The following LRRIQ1 variants were observed in gnomAD, a reference collection of about 807,000 sequenced individuals.
LRRIQ1 encodes leucine-rich repeat- and IQ domain-containing protein 1.
In LRRIQ1, 210 loss-of-function variants were observed where a neutral mutation model predicts 211.9. That is an observed-to-expected ratio of 0.99 (90% CI 0.89 to 1.11). The LOEUF (loss-of-function observed/expected upper bound fraction) is 1.11, where lower values mean the gene tolerates loss of function less well. Ranked by LOEUF, LRRIQ1 falls within the 50% of genes most tolerant of loss-of-function variation. The pLI is 0.00. For synonymous variants in LRRIQ1, 699 were observed against 650.1 expected, an observed-to-expected ratio of 1.08 and a Z score of -1.14; for missense variants, 2,136 against 1,939.5, an observed-to-expected ratio of 1.10 and a Z score of -1.90.
chr12:85,200,742 A>G (rs1893247116), intron 24 of LRRIQ1, among the ~76,000 whole-genome samples: 1 of 152,158 alleles, frequency 6.6e-6, no homozygotes, highest in African/African-American at 2.4e-5. Flanking sequence ...GATGAATCAC[A>G]TTTATTGATT....
chr12:85,120,652 A>T (rs1414441838), intron 15 of LRRIQ1, among the ~76,000 whole-genome samples: 1 of 152,196 alleles, frequency 6.6e-6, no homozygotes, highest in Non-Finnish European at 1.5e-5. Context: ...GAGTCTTCCT[A>T]TCCATGAACC....
chr12:85,038,848 T>C (rs2135858359), intron 2 of LRRIQ1, among the ~76,000 whole-genome samples: 1 of 151,598 alleles, frequency 6.6e-6, no homozygotes, highest in Non-Finnish European at 1.5e-5. Context: ...GTCTTACTGA[T>C]AGTTATTGTA....
At chr12:85,198,016 T>A (rs1282726558) in intron 24 of LRRIQ1, among the ~76,000 whole-genome samples, 2,964 of 61,336 alleles carry the variant, frequency 0.048, 62 homozygotes, top group Non-Finnish European at 0.074. Flanking sequence ...TATAATATAT[T>A]ATATTATTAT....
At chr12:85,085,212 G>T (rs541887366) in intron 11 of LRRIQ1, among the ~76,000 whole-genome samples, 1 of 152,212 alleles carries the variant, frequency 6.6e-6, no homozygotes, top group South Asian at 2.1e-4. Flanking sequence ...AAGGGAAGAG[G>T]TTTAATTGAT....
chr12:85,081,723 C>CTTTTTTTTTTTTTTTTTTTTTT (rs766961193), intron 11 of LRRIQ1, among the ~76,000 whole-genome samples: 4 of 113,418 alleles, frequency 3.5e-5, no homozygotes, highest in Non-Finnish European at 5.2e-5. Context: ...TCTTCTTCTT[C>CTTTTTTTTTTTTTTTTTTTTTT]TTTTTTTTTT....
intron 25 of LRRIQ1, among the ~76,000 whole-genome samples, chr12:85,230,979 C>T (rs908707355): frequency 9.2e-5 from 14 of 151,596 alleles, no homozygotes; most frequent in African/African-American, 3.1e-4. Flanking sequence ...ACCCGGGAGG[C>T]GGAGCTTGCA....
chr12:85,140,803 T>C (rs1406056145), intron 19 of LRRIQ1, among the ~76,000 whole-genome samples: 2 of 151,278 alleles, frequency 1.3e-5, no homozygotes, highest in African/African-American at 2.4e-5. Flanking sequence ...CTGCTGCTGC[T>C]ACTGATAATG....
chr12:85,040,932 T>G (rs1361141486), intron 3 of LRRIQ1, among the ~76,000 whole-genome samples: 2 of 151,618 alleles, frequency 1.3e-5, no homozygotes, highest in Non-Finnish European at 3.0e-5. Context: ...CATCTTTTTT[T>G]GGGAAAAATA....
chr12:85,192,421 T>G, intron 24 of LRRIQ1, among the ~76,000 whole-genome samples: 1 of 131,952 alleles, frequency 7.6e-6, no homozygotes, highest in East Asian at 2.1e-4. Context: ...ATTATATACA[T>G]TTATATATAT....
At position 85,127,793 on chromosome 12, in the gene LRRIQ1, A is replaced by G. The variant is rs371520506; in HGVS notation, c.4008-39A>G. ...TATCTACAACTCTGTATTTACAGAT[A>G]ATAAAAAAAGTGTGTGTTTTTTTTT... is the stretch of plus-strand genomic sequence containing the variant. On this transcript the variant is annotated intron_variant, in intron 17 of 26. Transcript: ENST00000393217. 9.7e-6 allele frequency: 15 copies of G among 1,553,918 alleles called. No individual in the cohort carries two copies. In the African/African-American group the frequency reaches 1.4e-4, roughly 14 times the overall value.
chr12:85,203,994 G>A (rs1019712478), intron 24 of LRRIQ1, among the ~76,000 whole-genome samples: 3 of 152,128 alleles, frequency 2.0e-5, no homozygotes, highest in Admixed American at 6.5e-5. Flanking sequence ...TCCCATCACA[G>A]GCCTGAAGGC....
intron 1 of LRRIQ1, among the ~76,000 whole-genome samples, chr12:85,252,229 G>A (rs1264446937): frequency 6.6e-6 from 1 of 151,794 alleles, no homozygotes; most frequent in East Asian, 1.9e-4. Flanking sequence ...ATATTTAGTA[G>A]TTGATTTTTA....
chr12:85,137,901 G>A lies in LRRIQ1; in HGVS notation c.4261G>A (p.Ala1421Thr), dbSNP rs754321000. 34 of 1,586,746 alleles carry A rather than the reference G, an allele frequency of 2.1e-5. No homozygotes were observed. Among genetic ancestry groups the A allele is most frequent in the Admixed American group, 1.0e-4 (6 of 57,250 alleles). Residue 1421 changes from alanine (A) to threonine (T), a missense_variant, in exon 19 of 27, where the codon GCT becomes ACT. Coordinates refer to ENST00000393217, the MANE Select transcript of LRRIQ1 (RefSeq NM_001079910.2). ...AAAGAAACTGACAACAGCTCTAGAG[G>A]CTATTAAGAATGAAGAATCCGATGA... ...LRKKLTTALE[A>T]IKNEESDEEY...
chr12:85,058,359 C>G (rs1409609625), intron 8 of LRRIQ1, among the ~76,000 whole-genome samples: 2 of 151,998 alleles, frequency 1.3e-5, no homozygotes, highest in Non-Finnish European at 2.9e-5. Context: ...CATGTTATCT[C>G]TGGAATCATG....
intron 24 of LRRIQ1, among the ~76,000 whole-genome samples, chr12:85,195,184 G>GC (rs1892828608): frequency 6.6e-6 from 1 of 151,894 alleles, no homozygotes; most frequent in South Asian, 2.1e-4. Context: ...ATAATCAATA[G>GC]CTTACCAATC....
At position 85,038,237 on chromosome 12, in the gene LRRIQ1, AT is replaced by A. The variant is rs772001444; in HGVS notation, c.64del (p.Ser22ProfsTer39). ...EIEAELDKLSISSLEKEDIES... is the reference protein window; with the variant it reads ...EIEAELDKLSXSSLEKEDIES... ...AGAAGCTGAATTGGATAAACTCAGC[AT>A]TTCCTCCTTGGAAAAAGAAGACATT... is the stretch of plus-strand genomic sequence containing the variant. On this transcript the variant is annotated frameshift_variant, in exon 2 of 27. Transcript: ENST00000393217. LOFTEE classifies it high-confidence loss of function. 2 of 1,586,774 alleles carry A rather than the reference AT, an allele frequency of 1.3e-6. No homozygotes were observed. Among genetic ancestry groups the A allele is most frequent in the Non-Finnish European group, 1.7e-6 (2 of 1,164,910 alleles).
intron 24 of LRRIQ1, among the ~76,000 whole-genome samples, chr12:85,216,564 A>T (rs895794331): frequency 6.6e-6 from 1 of 151,168 alleles, no homozygotes; most frequent in Non-Finnish European, 1.5e-5. Context: ...ATATACACAT[A>T]GTATATGTAA....
intron 10 of LRRIQ1, 49 bp downstream of exon 10, chr12:85,066,947 A>G (rs1565803574): frequency 9.3e-7 from 1 of 1,072,288 alleles, no homozygotes; most frequent in Admixed American, 3.1e-5. Flanking sequence ...CTCATAATTT[A>G]TTGTGTTTTA....
chr12:85,107,786 G>A (rs1592809923), intron 15 of LRRIQ1, among the ~76,000 whole-genome samples: 2 of 151,810 alleles, frequency 1.3e-5, no homozygotes, highest in African/African-American at 4.8e-5. Flanking sequence ...CAAATTCTCT[G>A]ATATTTTCTG....
Sources: gnomAD v4.1 joint callset for allele counts (sites outside exome capture counted in the v4.1 genomes callset) on GRCh38, gnomAD v4.1.1 for gene constraint, MANE v1.5 for transcripts, NCBI Gene and HGNC (gene_info 2026-07-23, HGNC 2026-07-21) for gene names.